MYOM1: variants seen among roughly 807,000 people sequenced by gnomAD.
MYOM1 encodes myomesin 1.
MYOM1 carries 164 observed loss-of-function variants against 205.3 expected under a neutral mutation model. The observed-to-expected ratio is 0.80, with a 90% CI of 0.70 to 0.91. MYOM1 has a LOEUF of 0.91. Among genes scored for constraint, MYOM1 ranks in the 40% least tolerant of loss-of-function variants. The pLI, the probability that MYOM1 is intolerant of heterozygous loss-of-function variation, is 0.00. For synonymous variants in MYOM1, 772 were observed against 789.4 expected (o/e 0.98, Z 0.37); for missense variants, 2,011 against 2,127.3 (o/e 0.95, Z 1.08).
chr18:3,208,343 G>A (rs768150592), intron 2 of MYOM1, among the ~76,000 whole-genome samples: 1 of 152,122 alleles, frequency 6.6e-6, no homozygotes, highest in Non-Finnish European at 1.5e-5. Context: ...GTGAAACCCC[G>A]TCTCTACAAA....
intron 34 of MYOM1, among the ~76,000 whole-genome samples, chr18:3,077,871 C>G (rs1023574839): frequency 1.3e-5 from 2 of 152,042 alleles, no homozygotes; most frequent in Admixed American, 6.5e-5. Context: ...AGCAGCTGCT[C>G]CCATTACTGA....
chr18:3,090,200 T>C (rs1385937223), intron 27 of MYOM1, among the ~76,000 whole-genome samples: 1 of 150,772 alleles, frequency 6.6e-6, no homozygotes, highest in Non-Finnish European at 1.5e-5. Context: ...CCATGTAAAG[T>C]ATTAACTGAA....
rs138375140 is a variant in MYOM1 at position 3,168,934 on chromosome 18, C to T, written c.1222G>A (p.Asp408Asn). ...CCAAAAGACACATCAAATTTGTCATCAAAGTGGATCTCAAACCGGGATGCA... is the reference window on the plus strand; with the variant it reads ...CCAAAAGACACATCAAATTTGTCATTAAAGTGGATCTCAAACCGGGATGCA... ...GYASRFEIHF[D>N]DKFDVSFGRE... The change falls in exon 9 of 38, where the codon GAT (aspartate) becomes AAT (asparagine). Residue 408 changes from aspartate (D) to asparagine (N), a missense_variant. By Grantham distance (23) the Asp-to-Asn change is conservative. Transcript: ENST00000356443. The T allele has an allele frequency of 2.0e-5, 33 of 1,613,738 alleles. No individual in the cohort carries two copies. The highest frequency in any genetic ancestry group is 1.8e-4 in the Admixed American group (11 of 59,988).
Position 3,120,355 on chromosome 18 carries a change from G to T in MYOM1, c.2992-360C>A, listed in dbSNP as rs567899248. On this transcript the variant is annotated intron_variant, in intron 19 of 37. Transcript: ENST00000356443. ...GGTAAGAACTCTTACAATGGGGTTC[G>T]GGCCCCTCCTAAAGAAAAACATGGT... Among the ~76,000 whole-genome samples the T allele has an allele frequency of 7.2e-5, 11 of 152,168 alleles. 1 individual carries two copies. The South Asian group carries it at 2.3e-3, about 32-fold the overall frequency.
chr18:3,184,679 C>A (rs1485403692), intron 5 of MYOM1, among the ~76,000 whole-genome samples: 1 of 152,144 alleles, frequency 6.6e-6, no homozygotes, highest in Non-Finnish European at 1.5e-5. Flanking sequence ...ATTTATTTTC[C>A]ACTTAGCTTG....
At chr18:3,082,112 A>C (rs1236675852) in intron 33 of MYOM1, among the ~76,000 whole-genome samples, 1 of 151,970 alleles carries the variant, frequency 6.6e-6, no homozygotes, top group African/African-American at 2.4e-5. Flanking sequence ...CTCCTATGAG[A>C]ATCTAATGCC....
chr18:3,151,736 G>A lies in MYOM1; in HGVS notation c.1801C>T (p.Pro601Ser). Residue 601 changes from proline to serine, a missense_variant, in exon 12 of 38, where the codon CCC (proline) becomes TCC (serine). Physicochemically the swap from Pro to Ser is moderately conservative, Grantham distance 74. Coordinates refer to ENST00000356443, the MANE Select transcript of MYOM1 (RefSeq NM_003803.4). ...GIGFPSRVSE[P>S]VAALDPAEKA... ...TCAGCCGGATCCAGAGCAGCCACGG[G>A]CTCGGAAACTCGAGATGGGAAACCT... The A allele has an allele frequency of 1.2e-6, 2 of 1,613,798 alleles. No individual in the cohort carries two copies. Among genetic ancestry groups the A allele is most frequent in the Non-Finnish European group, 1.7e-6 (2 of 1,179,770 alleles).
At chr18:3,148,762 C>T (rs367706791) in intron 13 of MYOM1, among the ~76,000 whole-genome samples, 2 of 135,570 alleles carry the variant, frequency 1.5e-5, no homozygotes, top group Non-Finnish European at 3.1e-5. Context: ...AGGAGAATGG[C>T]GTGAACCCGG....
chr18:3,168,427 T>C (rs2080504738), intron 9 of MYOM1, among the ~76,000 whole-genome samples: 1 of 152,184 alleles, frequency 6.6e-6, no homozygotes, highest in Non-Finnish European at 1.5e-5. Context: ...TAGCTGGGAT[T>C]ACAGGTGCAC....
chr18:3,088,816 G>A (rs1026101035), intron 29 of MYOM1, among the ~76,000 whole-genome samples: 1 of 152,162 alleles, frequency 6.6e-6, no homozygotes, highest in Non-Finnish European at 1.5e-5. Flanking sequence ...ACATGGCAAG[G>A]TCCACGAAAC....
intron 13 of MYOM1, 55 bp downstream of exon 13, chr18:3,149,090 G>A (rs1018076165): frequency 1.6e-5 from 24 of 1,515,154 alleles, no homozygotes; most frequent in Non-Finnish European, 2.1e-5. Context: ...ACAACAAAAG[G>A]CAAACTGCTT....
the MYOM1 span, among the ~76,000 whole-genome samples, chr18:3,227,384 A>T: frequency 6.6e-6 from 1 of 152,190 alleles, no homozygotes; most frequent in Non-Finnish European, 1.5e-5. Context: ...CAAATAGTGT[A>T]TGATTCCACT....
chr18:3,113,595 A>G (rs2143807398), intron 21 of MYOM1, among the ~76,000 whole-genome samples: 1 of 152,238 alleles, frequency 6.6e-6, no homozygotes, highest in East Asian at 1.9e-4. Flanking sequence ...AGCCTCCCAC[A>G]GTGTTGGGAT....
chr18:3,171,265 T>C (rs1331100937), intron 8 of MYOM1, among the ~76,000 whole-genome samples: 2 of 152,204 alleles, frequency 1.3e-5, no homozygotes, highest in East Asian at 3.8e-4. Flanking sequence ...TGCCTCACTT[T>C]TTTTTATGTG....
intron 5 of MYOM1, among the ~76,000 whole-genome samples, chr18:3,181,588 C>G (rs1429319506): frequency 1.3e-5 from 2 of 151,888 alleles, no homozygotes; most frequent in Non-Finnish European, 2.9e-5. Flanking sequence ...TTTACAAACC[C>G]TCATAATTTG....
In MYOM1 at chr18:3,187,495, T is replaced by A. The variant is rs1477896162; in HGVS notation, c.914A>T (p.Glu305Val). 9.3e-6 allele frequency: 15 copies of A among 1,613,598 alleles called. No homozygotes were observed. Among genetic ancestry groups the A allele is most frequent in the Non-Finnish European group, 1.2e-5 (14 of 1,179,718 alleles). The change falls in exon 5 of 38, where the codon GAA (glutamate) becomes GTA (valine). Residue 305 changes from glutamate (E) to valine (V), a missense_variant. Glu to Val is a moderately radical substitution (Grantham distance 121). Transcript: ENST00000356443. ...KLHCSIAGWP[E>V]PRVTWYKNQV... is the part of the protein sequence containing the mutation. Reference sequence around the variant, plus strand: ...GATAACATACCACGTGACACGAGGTTCTGGCCAGCCTGCTATGGAGCAATG... The same window carrying A: ...GATAACATACCACGTGACACGAGGTACTGGCCAGCCTGCTATGGAGCAATG...
At chr18:3,131,304 A>G in intron 17 of MYOM1, 71 bp downstream of exon 17, 1 of 1,527,266 alleles carries the variant, frequency 6.5e-7, no homozygotes, top group Non-Finnish European at 9.0e-7. Context: ...ATTTCTGGAG[A>G]GGATGGTATC....
At chr18:3,222,449 G>A (rs1435723047), upstream of MYOM1, among the ~76,000 whole-genome samples, 1 of 152,056 alleles carries the variant, frequency 6.6e-6, no homozygotes, top group Non-Finnish European at 1.5e-5. Flanking sequence ...GCTTTCACAG[G>A]GATCTTGAGT....
intron 24 of MYOM1, 32 bp downstream of exon 24, chr18:3,100,288 T>A (rs1436502038): frequency 6.2e-7 from 1 of 1,612,452 alleles, no homozygotes; most frequent in South Asian, 1.1e-5. Flanking sequence ...AAAGCAACAT[T>A]CGATGTGTGA....
Sources: gnomAD v4.1 joint callset for allele counts (sites outside exome capture counted in the v4.1 genomes callset) on GRCh38, gnomAD v4.1.1 for gene constraint, MANE v1.5 for transcripts, NCBI Gene and HGNC (gene_info 2026-07-23, HGNC 2026-07-21) for gene names.